Variants in WFDC1 observed in about 807,000 individuals in gnomAD.
WFDC1 encodes the protein WAP four-disulfide core domain 1.
WFDC1 carries 39 observed loss-of-function variants against 32.9 expected under a neutral mutation model. That is an observed-to-expected ratio of 1.19 (90% CI 0.92 to 1.55). The LOEUF is 1.55. Ranked by LOEUF, WFDC1 falls within the 40% of genes most tolerant of loss-of-function variation. The probability of loss-of-function intolerance (pLI) is 0.00; values close to 1 mark genes in which losing one functional copy is unlikely to be tolerated. For synonymous variants in WFDC1, 184 were observed against 137.4 expected (o/e 1.34, Z -2.37); for missense variants, 386 against 309.5 (o/e 1.25, Z -1.85).
At chr16:84,313,258 G>C in intron 2 of WFDC1, 105 bp downstream of exon 2, 1 of 1,149,308 alleles carries the variant, frequency 8.7e-7, no homozygotes, top group Non-Finnish European at 1.1e-6. Context: ...GGGCCACCTG[G>C]GCGGGTCTCG....
chr16:84,299,206 CA>C (rs3837759), intron 1 of WFDC1, among the ~76,000 whole-genome samples: 6,197 of 151,550 alleles, frequency 0.041, 375 homozygotes, highest in African/African-American at 0.14. Flanking sequence ...ACTAAAAATA[CA>C]AAAAAAATTA....
chr16:84,318,413 T>A, intron 3 of WFDC1, 58 bp downstream of exon 3: 1 of 1,565,824 alleles, frequency 6.4e-7, no homozygotes, highest in African/African-American at 1.3e-5. Context: ...CCTTCTCAGC[T>A]GCTTCCAGAA....
chr16:84,311,288 A>G (rs1026462675), intron 1 of WFDC1, among the ~76,000 whole-genome samples: 5 of 149,584 alleles, frequency 3.3e-5, no homozygotes, highest in African/African-American at 9.9e-5. Context: ...TCTGTCACCC[A>G]GCCTGGAGTG....
chr16:84,303,047 C>T (rs1425695413), intron 1 of WFDC1, among the ~76,000 whole-genome samples: 2 of 144,236 alleles, frequency 1.4e-5, no homozygotes, highest in African/African-American at 2.6e-5. Flanking sequence ...TGGCCTCCCT[C>T]TGAGGAAGTC....
intron 1 of WFDC1, among the ~76,000 whole-genome samples, chr16:84,303,729 AG>A (rs1567652123): frequency 6.6e-6 from 1 of 152,192 alleles, no homozygotes; most frequent in African/African-American, 2.4e-5. Flanking sequence ...AGTGGTGTTT[AG>A]TATACTCAGA....
Position 84,319,588 on chromosome 16 carries a change from A to G in WFDC1, c.562+17A>G, listed in dbSNP as rs200063291. 6.1e-5 allele frequency: 98 copies of G among 1,610,008 alleles called. No individual in the cohort carries two copies. In the East Asian group the frequency reaches 2.1e-3, roughly 34 times the overall value. ...GGCAAGCAGGTGAGTGTGGCACCCCAGCCCTGATCCTGGCTCCTGCCCCAG... is the reference window on the plus strand; with the variant it reads ...GGCAAGCAGGTGAGTGTGGCACCCCGGCCCTGATCCTGGCTCCTGCCCCAG... On this transcript the variant is annotated intron_variant, in intron 4 of 6. Coordinates refer to ENST00000219454, the MANE Select transcript of WFDC1 (RefSeq NM_021197.4).
intron 1 of WFDC1, among the ~76,000 whole-genome samples, chr16:84,296,253 C>T (rs951928484): frequency 2.0e-5 from 3 of 152,238 alleles, no homozygotes; most frequent in African/African-American, 7.2e-5. Context: ...TGCATCTTGG[C>T]AGCTTTCAAT....
chr16:84,326,340 G>T (rs913055662), intron 5 of WFDC1: 1 of 155,552 alleles, frequency 6.4e-6, no homozygotes, highest in Non-Finnish European at 1.4e-5. Context: ...GTCTGTGCTG[G>T]GGGTTGGAGC....
At chr16:84,309,694 G>A (rs544176666) in intron 1 of WFDC1, among the ~76,000 whole-genome samples, 11 of 151,750 alleles carry the variant, frequency 7.2e-5, no homozygotes, top group Admixed American at 3.9e-4. Flanking sequence ...CAGCAGAGCC[G>A]CGCCCCCCCA....
intron 1 of WFDC1, among the ~76,000 whole-genome samples, chr16:84,297,293 C>G (rs1400881594): frequency 6.6e-6 from 1 of 152,166 alleles, no homozygotes; most frequent in African/African-American, 2.4e-5. Context: ...CCTCCTTCCT[C>G]AGCGCCTAGA....
intron 5 of WFDC1, 37 bp downstream of exon 5, chr16:84,324,497 CA>C (rs150266820): frequency 2.2e-4 from 340 of 1,576,968 alleles, no homozygotes; most frequent in Non-Finnish European, 2.7e-4. Flanking sequence ...CCAGAGGGCA[CA>C]AAAAAAAGGC....
chr16:84,299,974 G>A (rs1906839861), intron 1 of WFDC1, among the ~76,000 whole-genome samples: 1 of 152,228 alleles, frequency 6.6e-6, no homozygotes, highest in Non-Finnish European at 1.5e-5. Flanking sequence ...GCCAGCAGTG[G>A]CCCACAACTT....
intron 4 of WFDC1, among the ~76,000 whole-genome samples, chr16:84,320,760 T>C (rs990900377): frequency 7.9e-5 from 12 of 152,162 alleles, no homozygotes; most frequent in Non-Finnish European, 1.8e-4. Flanking sequence ...CTTCGGCATC[T>C]CATAGCCCTA....
rs535589777 is a variant in WFDC1, at chr16:84,298,712, T to G, written c.144+3597T>G. On this transcript the variant is annotated intron_variant, in intron 1 of 6. Transcript: ENST00000219454. Reference sequence around the variant, plus strand: ...TCGTCCCCCGGCAGAGTGAGTTTTGTGTAGCGGACTGGTCTCTTAGAGTGG... The same window carrying G: ...TCGTCCCCCGGCAGAGTGAGTTTTGGGTAGCGGACTGGTCTCTTAGAGTGG... Among the ~76,000 whole-genome samples the G allele has an allele frequency of 9.1e-4, 138 of 152,330 alleles. 1 individual carries two copies. Among genetic ancestry groups the G allele is most frequent in the African/African-American group, 2.8e-3 (115 of 41,574 alleles).
intron 1 of WFDC1, among the ~76,000 whole-genome samples, chr16:84,304,881 G>A (rs1010598278): frequency 6.6e-6 from 1 of 152,218 alleles, no homozygotes; most frequent in African/African-American, 2.4e-5. Flanking sequence ...CAGGAGGGCA[G>A]AGGGAACACT....
At chr16:84,306,443 G>T (rs1011968447) in intron 1 of WFDC1, among the ~76,000 whole-genome samples, 1 of 152,198 alleles carries the variant, frequency 6.6e-6, no homozygotes, top group Non-Finnish European at 1.5e-5. Context: ...CCAAGGCCAG[G>T]AGGAGCAGCG....
intron 1 of WFDC1, 128 bp downstream of exon 1, chr16:84,295,243 C>T: frequency 8.0e-7 from 1 of 1,257,790 alleles, no homozygotes. Flanking sequence ...CAGGCGTCTT[C>T]CTATCCGTGT....
At chr16:84,322,160 C>CCTGT (rs1908343719) in intron 4 of WFDC1, among the ~76,000 whole-genome samples, 2 of 142,186 alleles carry the variant, frequency 1.4e-5, no homozygotes. Context: ...TGTGTGTGTG[C>CCTGT]GTGTGTGTGT....
chr16:84,309,143 C>T (rs1047169269), intron 1 of WFDC1, among the ~76,000 whole-genome samples: 5 of 152,074 alleles, frequency 3.3e-5, no homozygotes, highest in East Asian at 1.9e-4. Context: ...CTGGAGGAAA[C>T]GGTTTGAAGA....
Sources: gnomAD v4.1 joint callset for allele counts (sites outside exome capture counted in the v4.1 genomes callset) on GRCh38, gnomAD v4.1.1 for gene constraint, MANE v1.5 for transcripts, NCBI Gene and HGNC (gene_info 2026-07-23, HGNC 2026-07-21) for gene names.